Variants in AGBL4 observed in about 807,000 individuals in gnomAD.
AGBL4 encodes the protein AGBL carboxypeptidase 4.
A neutral mutation model predicts 66.4 loss-of-function variants in AGBL4; 58 were observed. The observed-to-expected ratio is 0.87, with a 90% CI of 0.71 to 1.09. The LOEUF (loss-of-function observed/expected upper bound fraction) is 1.09, where lower values mean the gene tolerates loss of function less well. AGBL4 is among the 50% of genes least tolerant of loss of function. AGBL4 has a pLI of 0.00. For synonymous variants in AGBL4, 234 were observed against 222.9 expected, an observed-to-expected ratio of 1.05 and a Z score of -0.44; for missense variants, 579 against 631.0, an observed-to-expected ratio of 0.92 and a Z score of 0.88.
At position 48,848,398 on chromosome 1, in the gene AGBL4, A is replaced by G. The variant is rs567225082; in HGVS notation, c.634+18793T>C. ...CATGGCTTTAATGAGTACATCAGTT[A>G]TTGTTCATGGAAGAGCCAATGTCTC... On this transcript the variant is annotated intron_variant, in intron 6 of 13. Transcript: ENST00000371839. Among the ~76,000 whole-genome samples the G allele has an allele frequency of 9.2e-5, 14 of 152,260 alleles. No homozygotes were observed. The South Asian group carries it at 2.9e-3, about 32-fold the overall frequency.
In AGBL4 at chr1:48,846,365, GAAAGA is replaced by G. The variant is rs1188779448; in HGVS notation, c.634+20821_634+20825del. ...AAGAAAAGAAAGGAGAAAGAAAGAA[GAAAGA>G]AAGAAAGAAAGAAAGAAAGAAAGAA... On this transcript the variant is annotated intron_variant, in intron 6 of 13. Transcript: ENST00000371839. Among the ~76,000 whole-genome samples the G allele has an allele frequency of 1.0e-3, 64 of 61,668 alleles. 1 individual carries two copies. Among genetic ancestry groups the G allele is most frequent in the African/African-American group, 5.2e-3 (52 of 9,982 alleles). The allele number at this position is 61,668 out of a possible 152,430, so 40.5% of individuals were successfully genotyped here.
intron 2 of AGBL4, among the ~76,000 whole-genome samples, chr1:49,828,570 G>A (rs1181422193): frequency 6.6e-6 from 1 of 152,152 alleles, no homozygotes; most frequent in Non-Finnish European, 1.5e-5. Flanking sequence ...ATGTCATGAG[G>A]TGAAGTCAGA....
intron 1 of AGBL4, chr1:49,995,013 T>C (rs1445446456): frequency 7.4e-6 from 3 of 406,206 alleles, no homozygotes; most frequent in Non-Finnish European, 1.5e-5. Context: ...GAAGCCATTG[T>C]TGACTTTGTC....
At chr1:49,006,468 C>T (rs1415318676) in intron 5 of AGBL4, among the ~76,000 whole-genome samples, 1 of 152,208 alleles carries the variant, frequency 6.6e-6, no homozygotes, top group Non-Finnish European at 1.5e-5. Flanking sequence ...CCGCCATTGC[C>T]CAGGCTTGCT....
At chr1:48,880,733 C>G (rs1444658055) in intron 5 of AGBL4, among the ~76,000 whole-genome samples, 4 of 152,106 alleles carry the variant, frequency 2.6e-5, no homozygotes, top group Non-Finnish European at 4.4e-5. Context: ...AACAGCTAGT[C>G]TCACTTTTTT....
At chr1:48,806,043 G>T (rs1186650385) in intron 6 of AGBL4, among the ~76,000 whole-genome samples, 1 of 152,058 alleles carries the variant, frequency 6.6e-6, no homozygotes, top group African/African-American at 2.4e-5. Context: ...AATGATGATT[G>T]CTTAGAAACA....
rs371764524 is a variant in AGBL4, at chr1:48,776,769, C to A, written c.634+90422G>T. Reference sequence around the variant, plus strand: ...GCCGCGAGCGGGGGCTGAAGTCGCGCACGCACGACACGGGCAGCGCGTAGC... The same window carrying A: ...GCCGCGAGCGGGGGCTGAAGTCGCGAACGCACGACACGGGCAGCGCGTAGC... On this transcript the variant is annotated intron_variant, in intron 6 of 13. Transcript: ENST00000371839. The A allele has an allele frequency of 1.5e-4, 227 of 1,525,232 alleles. 2 individuals are homozygous for A. The South Asian group carries it at 2.6e-3, about 17-fold the overall frequency. 94.5% of individuals were successfully genotyped at this position (1,525,232 alleles called of 1,614,324 possible).
intron 3 of AGBL4, among the ~76,000 whole-genome samples, chr1:49,353,936 A>G (rs1557864062): frequency 6.6e-6 from 1 of 152,094 alleles, no homozygotes; most frequent in Non-Finnish European, 1.5e-5. Context: ...CCATCACTCA[A>G]TAAAATCCCC....
chr1:49,914,394 G>A (rs1651176581), intron 1 of AGBL4, among the ~76,000 whole-genome samples: 1 of 152,160 alleles, frequency 6.6e-6, no homozygotes, highest in Non-Finnish European at 1.5e-5. Flanking sequence ...AATGAGGATG[G>A]TCTTTACTCC....
chr1:49,282,942 G>A (rs954453200), intron 3 of AGBL4, among the ~76,000 whole-genome samples: 3 of 152,196 alleles, frequency 2.0e-5, no homozygotes, highest in Non-Finnish European at 4.4e-5. Context: ...CGAGGCTGGG[G>A]GAGGGGCGCC....
intron 2 of AGBL4, among the ~76,000 whole-genome samples, chr1:49,738,076 G>A (rs1243836599): frequency 6.6e-6 from 1 of 152,228 alleles, no homozygotes; most frequent in Non-Finnish European, 1.5e-5. Flanking sequence ...AGTGGGTGCA[G>A]CGCACCAAGT....
chr1:49,244,514 G>A (rs182004005), intron 4 of AGBL4, among the ~76,000 whole-genome samples: 29 of 151,772 alleles, frequency 1.9e-4, no homozygotes, highest in Admixed American at 7.2e-4. Context: ...TTATAAACCT[G>A]AGCTTCTCAG....
At chr1:49,059,507 G>C (rs1353307514) in intron 4 of AGBL4, among the ~76,000 whole-genome samples, 1 of 152,234 alleles carries the variant, frequency 6.6e-6, no homozygotes, top group Non-Finnish European at 1.5e-5. Context: ...GGAAATGTGG[G>C]GTTGGAGCCC....
intron 4 of AGBL4, among the ~76,000 whole-genome samples, chr1:49,223,744 A>C (rs1313557282): frequency 6.6e-6 from 1 of 152,336 alleles, no homozygotes. Context: ...CTGTTCATTA[A>C]GTGTTCCTGA....
chr1:49,136,231 A>T (rs1646008032), intron 4 of AGBL4, among the ~76,000 whole-genome samples: 1 of 152,170 alleles, frequency 6.6e-6, no homozygotes, highest in Admixed American at 6.6e-5. Flanking sequence ...TCACTGATAA[A>T]CATAAATGTA....
intron 2 of AGBL4, among the ~76,000 whole-genome samples, chr1:49,708,497 C>A (rs1647381200): frequency 6.6e-6 from 1 of 152,040 alleles, no homozygotes; most frequent in Non-Finnish European, 1.5e-5. Flanking sequence ...TTGGTTAGAA[C>A]ATGCTCCTTT....
At chr1:49,253,222 C>A (rs1425205617) in intron 3 of AGBL4, among the ~76,000 whole-genome samples, 1 of 151,976 alleles carries the variant, frequency 6.6e-6, no homozygotes, top group Non-Finnish European at 1.5e-5. Flanking sequence ...ATCTACCAAG[C>A]AAACAAAAAA....
intron 4 of AGBL4, among the ~76,000 whole-genome samples, chr1:49,210,277 A>G (rs1648564650): frequency 6.6e-6 from 1 of 152,110 alleles, no homozygotes; most frequent in Admixed American, 6.6e-5. Flanking sequence ...TTATATGTGA[A>G]CAAAGCAAAG....
At position 49,547,980 on chromosome 1, in the gene AGBL4, G is replaced by A. The variant is rs556469738; in HGVS notation, c.282+149333C>T. On this transcript the variant is annotated intron_variant, in intron 3 of 13. Transcript: ENST00000371839. ...GTAGAGACGGGGTTTCACCATGTTG[G>A]TGAGGCTGGTCTCGAACTCCTGACC... Among the ~76,000 whole-genome samples, 19 of 152,142 alleles carry A rather than the reference G, an allele frequency of 1.2e-4. No individual in the cohort carries two copies. The South Asian group carries it at 3.7e-3, about 30-fold the overall frequency.
Sources: allele counts gnomAD v4.1 joint callset (sites outside exome capture counted in the v4.1 genomes callset), GRCh38; gene constraint gnomAD v4.1.1; transcripts MANE v1.5; gene names NCBI Gene and HGNC (gene_info 2026-07-23, HGNC 2026-07-21).